Variants in CD34 observed in about 807,000 individuals in gnomAD.
CD34 encodes the protein CD34 molecule, also known as hematopoietic progenitor cell antigen CD34.
A neutral mutation model predicts 40.1 loss-of-function variants in CD34; 34 were observed. The observed-to-expected ratio is 0.85, with a 90% CI of 0.65 to 1.13. The LOEUF (loss-of-function observed/expected upper bound fraction) is 1.13, where lower values mean the gene tolerates loss of function less well. Among genes scored for constraint, CD34 ranks in the 50% most tolerant of loss-of-function variants. The probability of loss-of-function intolerance (pLI) is 0.00; values close to 1 mark genes in which losing one functional copy is unlikely to be tolerated. For missense variants in CD34, 426 were observed against 466.9 expected (o/e 0.91, Z 0.81); for synonymous variants, 209 against 190.0 (o/e 1.10, Z -0.82).
chr1:207,903,999 G>A (rs1052940876), intron 1 of CD34, among the ~76,000 whole-genome samples: 1 of 151,418 alleles, frequency 6.6e-6, no homozygotes, highest in African/African-American at 2.4e-5. Flanking sequence ...TTTCGGGGGG[G>A]TATTCTAAGA....
intron 4 of CD34, among the ~76,000 whole-genome samples, chr1:207,892,840 G>T (rs1297878406): frequency 6.6e-6 from 1 of 152,098 alleles, no homozygotes; most frequent in Non-Finnish European, 1.5e-5. Flanking sequence ...CCAAACAAAA[G>T]AACTCAGGGA....
At position 207,881,006 on chromosome 1, in the gene CD34, A is replaced by T. The variant is rs945991517; in HGVS notation, c.*6732T>A. 3.3e-5 allele frequency: 5 copies of T among 152,240 alleles called. No individual in the cohort carries two copies. Among genetic ancestry groups the T allele is most frequent in the Non-Finnish European group, 5.9e-5 (4 of 68,038 alleles). 9.4% of individuals were successfully genotyped at this position (152,240 alleles called of 1,614,324 possible). A position where few individuals can be genotyped will look rare whatever the true frequency, so the allele number is the denominator to read the frequency against. ...AAACTATAAGGTCATGTTTAACAACAACAACAAAACATTTTATGAGGTTCC... is the reference window on the plus strand; with the variant it reads ...AAACTATAAGGTCATGTTTAACAACTACAACAAAACATTTTATGAGGTTCC... On this transcript the variant is annotated 3_prime_UTR_variant, in exon 8 of 8. Coordinates refer to ENST00000310833, the MANE Select transcript of CD34 (RefSeq NM_001025109.2).
intron 4 of CD34, among the ~76,000 whole-genome samples, chr1:207,893,998 C>T (rs1168986857): frequency 6.6e-6 from 1 of 152,140 alleles, no homozygotes; most frequent in Non-Finnish European, 1.5e-5. Context: ...CTGGTGGTTC[C>T]TCAAAAATTC....
In CD34 at chr1:207,887,294, T is replaced by G; in HGVS notation, c.*444A>C. On this transcript the variant is annotated 3_prime_UTR_variant, in exon 8 of 8. Transcript: ENST00000310833. The stretch of plus-strand genomic sequence containing the variant: ...GCAGGTGCAAAAGGTTACTTTGGTT[T>G]CCTCAAAGTAGAGAAAGAAAATACA... The G allele has an allele frequency of 6.0e-6, 1 of 165,916 alleles. No homozygotes were observed. Among genetic ancestry groups the G allele is most frequent in the South Asian group, 1.7e-4 (1 of 5,890 alleles). The allele number at this position is 165,916 out of a possible 1,614,324, so 10.3% of individuals were successfully genotyped here.
At chr1:207,910,739 T>C (rs1044239503) in intron 1 of CD34, among the ~76,000 whole-genome samples, 1 of 152,156 alleles carries the variant, frequency 6.6e-6, no homozygotes, top group African/African-American at 2.4e-5. Flanking sequence ...TTTATCTCAG[T>C]CCATTGGAAC....
At chr1:207,895,058 C>A (rs1336737509) in intron 4 of CD34, among the ~76,000 whole-genome samples, 1 of 152,150 alleles carries the variant, frequency 6.6e-6, no homozygotes, top group Non-Finnish European at 1.5e-5. Context: ...TGCTCTTCAC[C>A]AGGGTATTAG....
At chr1:207,901,813 A>C (rs967962065) in intron 1 of CD34, among the ~76,000 whole-genome samples, 1 of 152,210 alleles carries the variant, frequency 6.6e-6, no homozygotes, top group African/African-American at 2.4e-5. Flanking sequence ...TGAACTTGGT[A>C]TCCAGAGTTC....
chr1:207,897,718 A>T, intron 3 of CD34, 145 bp from the exon 4 acceptor site: 1 of 659,326 alleles, frequency 1.5e-6, no homozygotes. Flanking sequence ...AAAATTTGTC[A>T]GGGGACTAGA....
intron 1 of CD34, among the ~76,000 whole-genome samples, chr1:207,906,116 A>C (rs1662375152): frequency 6.6e-6 from 1 of 152,160 alleles, no homozygotes; most frequent in Non-Finnish European, 1.5e-5. Flanking sequence ...CATTTAAATC[A>C]ATCCCTCAAG....
chr1:207,892,251 A>G (rs910548706), intron 4 of CD34, among the ~76,000 whole-genome samples: 1 of 152,134 alleles, frequency 6.6e-6, no homozygotes, highest in East Asian at 1.9e-4. Context: ...TCAGCTGTAC[A>G]CTAGGTTGTT....
intron 1 of CD34, among the ~76,000 whole-genome samples, chr1:207,903,240 G>A (rs1662313010): frequency 6.6e-6 from 1 of 152,110 alleles, no homozygotes; most frequent in African/African-American, 2.4e-5. Flanking sequence ...TTTTTATCCT[G>A]TCTTCCCACA....
At position 207,881,907 on chromosome 1, in the gene CD34, G is replaced by A. The variant is rs950832529; in HGVS notation, c.*5831C>T. On this transcript the variant is annotated 3_prime_UTR_variant, in exon 8 of 8. Coordinates refer to ENST00000310833, the MANE Select transcript of CD34 (RefSeq NM_001025109.2). ...TTTGAAACAGTAATAATTGATAGAT[G>A]TAACTTTCAAAATCAAAAGCTCTTT... The A allele has an allele frequency of 6.6e-6, 1 of 152,148 alleles. No homozygotes were observed. Among genetic ancestry groups the A allele is most frequent in the Non-Finnish European group, 1.5e-5 (1 of 68,028 alleles). 9.4% of individuals were successfully genotyped at this position (152,148 alleles called of 1,614,324 possible).
intron 4 of CD34, among the ~76,000 whole-genome samples, chr1:207,894,414 A>G (rs1304279935): frequency 1.3e-5 from 2 of 152,206 alleles, no homozygotes; most frequent in African/African-American, 2.4e-5. Context: ...GAGTTGTTTC[A>G]TGGGTACACA....
In CD34 at chr1:207,887,810, G is replaced by T. The variant is rs768124315; in HGVS notation, c.1086C>A (p.Asn362Lys). ...TTCTGGAGGTGGCCTGGCCGGTCCC[G>T]TTTTCCTGAGCCCCTCGGTTCACAC... ...KASVNRGAQE[N>K]GTGQATSRNG... The change falls in exon 8 of 8, where the codon AAC becomes AAA. Residue 362 changes from asparagine to lysine, a missense_variant. Coordinates refer to ENST00000310833, the MANE Select transcript of CD34 (RefSeq NM_001025109.2). 2.5e-6 allele frequency: 4 copies of T among 1,614,060 alleles called. No homozygotes were observed. Among genetic ancestry groups the T allele is most frequent in the African/African-American group, 2.7e-5 (2 of 74,902 alleles).
chr1:207,888,682 C>G lies in CD34; in HGVS notation c.972G>C (p.Leu324=). Residue 324 remains leucine, a splice_region_variant and synonymous_variant, in exon 7 of 8, where the codon CTG becomes CTC. Coordinates refer to ENST00000310833, the MANE Select transcript of CD34 (RefSeq NM_001025109.2). ...RRSWSPTGER[L]GEDPYYTENG... ...CTTTACCCTGGCCCCCAGAACTGAC[C>G]AGCCTTTCTCCTGTGGGGCTCCAGC... 2 of 1,614,064 alleles carry G rather than the reference C, an allele frequency of 1.2e-6. No individual in the cohort carries two copies.
At chr1:207,888,169 GGCA>G in intron 7 of CD34, 1 of 1,603,216 alleles carries the variant, frequency 6.2e-7, no homozygotes, top group Non-Finnish European at 8.5e-7. Flanking sequence ...ACCGCAGCTC[GGCA>G]GCCAGCTCCC....
At chr1:207,890,276 A>G (rs1662005201) in intron 4 of CD34, 1 of 988,648 alleles carries the variant, frequency 1.0e-6, no homozygotes, top group South Asian at 4.6e-5. Context: ...TCAGAAGAAA[A>G]ACTCTGATAA....
chr1:207,890,348 G>A (rs1452946183), intron 4 of CD34: 8 of 458,302 alleles, frequency 1.7e-5, no homozygotes, highest in Non-Finnish European at 2.3e-5. Flanking sequence ...CTCCTCCCCT[G>A]AACAGGAAAG....
chr1:207,890,141 G>A lies in CD34; in HGVS notation c.598-520C>T, dbSNP rs566857177. 9.6e-5 allele frequency: 102 copies of A among 1,060,862 alleles called. No homozygotes were observed. In the Middle Eastern group the frequency reaches 2.1e-3, roughly 22 times the overall value. The allele number at this position is 1,060,862 out of a possible 1,614,324, so 65.7% of individuals were successfully genotyped here. ...TCTCAAAAAGTGCATTGCTCAAACT[G>A]AAATGGCATTTTTGTCTCGTCTTCC... On this transcript the variant is annotated intron_variant, in intron 4 of 7. Transcript: ENST00000310833.
Sources: allele counts gnomAD v4.1 joint callset (sites outside exome capture counted in the v4.1 genomes callset), GRCh38; gene constraint gnomAD v4.1.1; transcripts MANE v1.5; gene names NCBI Gene and HGNC (gene_info 2026-07-23, HGNC 2026-07-21).